CAPS2: variants seen among roughly 807,000 people sequenced by gnomAD.
CAPS2 encodes calcyphosin-2.
A neutral mutation model predicts 86.5 loss-of-function variants in CAPS2; 98 were observed. That is an observed-to-expected ratio of 1.13 (90% CI 0.96 to 1.34). CAPS2 has a LOEUF of 1.34. Among genes scored for constraint, CAPS2 ranks in the 40% most tolerant of loss-of-function variants. The pLI is 0.00. For synonymous variants in CAPS2, 210 were observed against 225.1 expected (o/e 0.93, Z 0.60); for missense variants, 729 against 686.8 (o/e 1.06, Z -0.69).
At chr12:75,278,558 G>A (rs1199079095) in exon 17 of CAPS2, 10 of 1,007,608 alleles carry the variant, frequency 9.9e-6, no homozygotes, top group Non-Finnish European at 1.2e-5. Context: ...GTTTGATGCA[G>A]ATGTAACTTT....
chr12:75,332,330 A>G (rs1593608484), upstream of CAPS2, among the ~76,000 whole-genome samples: 1 of 152,336 alleles, frequency 6.6e-6, no homozygotes, highest in East Asian at 1.9e-4. Flanking sequence ...TTTGAAGCTC[A>G]ACTTTAAATT....
intron 1 of CAPS2, among the ~76,000 whole-genome samples, chr12:75,381,383 A>G (rs2044964839): frequency 1.3e-5 from 2 of 152,190 alleles, no homozygotes; most frequent in Admixed American, 6.5e-5. Context: ...TATCAGCAGC[A>G]TGAAAACAAA....
intron 5 of CAPS2, among the ~76,000 whole-genome samples, chr12:75,319,409 C>T (rs2040090015): frequency 6.6e-6 from 1 of 152,132 alleles, no homozygotes; most frequent in African/African-American, 2.4e-5. Flanking sequence ...TTCGCATGCT[C>T]TCTTGCCTCC....
At chr12:75,369,286 G>A (rs940198699) in intron 1 of CAPS2, among the ~76,000 whole-genome samples, 2 of 151,460 alleles carry the variant, frequency 1.3e-5, no homozygotes, top group African/African-American at 4.8e-5. Context: ...AGCATTCATC[G>A]CTGACATTAT....
At chr12:75,388,505 C>A (rs2045405567) in intron 1 of CAPS2, among the ~76,000 whole-genome samples, 1 of 152,136 alleles carries the variant, frequency 6.6e-6, no homozygotes, top group African/African-American at 2.4e-5. Flanking sequence ...AAGAAATTTA[C>A]ACACATATTA....
intron 1 of CAPS2, among the ~76,000 whole-genome samples, chr12:75,358,712 C>A: frequency 7.0e-6 from 1 of 141,938 alleles, no homozygotes. Flanking sequence ...CTTTTTTAAA[C>A]CATATATATA....
chr12:75,366,394 G>A (rs2043963965), intron 1 of CAPS2, among the ~76,000 whole-genome samples: 2 of 152,124 alleles, frequency 1.3e-5, no homozygotes, highest in Non-Finnish European at 2.9e-5. Context: ...TAGAGAAGTA[G>A]AGAACTTAGG....
intron 1 of CAPS2, among the ~76,000 whole-genome samples, chr12:75,388,369 A>C (rs1416080170): frequency 6.6e-6 from 1 of 152,208 alleles, no homozygotes; most frequent in Non-Finnish European, 1.5e-5. Flanking sequence ...ATAATACACC[A>C]ATACCTAGAA....
chr12:75,346,392 A>AC (rs2042447312), intron 1 of CAPS2, among the ~76,000 whole-genome samples: 1 of 151,438 alleles, frequency 6.6e-6, no homozygotes, highest in Admixed American at 6.6e-5. Flanking sequence ...TGAAAGCAAA[A>AC]CTCTTTTTTT....
At chr12:75,366,798 T>C in intron 1 of CAPS2, 1 of 694,192 alleles carries the variant, frequency 1.4e-6, no homozygotes, top group Non-Finnish European at 2.6e-6. Context: ...TTCAGAGGTC[T>C]ATCACCTCTG....
At chr12:75,381,082 A>G (rs1253784274) in intron 1 of CAPS2, among the ~76,000 whole-genome samples, 3 of 152,182 alleles carry the variant, frequency 2.0e-5, no homozygotes, top group Non-Finnish European at 4.4e-5. Context: ...CTTGAATTGT[A>G]TCTCCCAGAA....
chr12:75,305,883 G>C (rs1276645374), intron 7 of CAPS2: 3 of 794,306 alleles, frequency 3.8e-6, no homozygotes, highest in Non-Finnish European at 6.6e-6. Context: ...GGCTGACCAG[G>C]CTGCACCTGA....
intron 1 of CAPS2, among the ~76,000 whole-genome samples, chr12:75,342,417 T>C (rs930772057): frequency 2.0e-5 from 3 of 152,226 alleles, no homozygotes; most frequent in African/African-American, 7.2e-5. Flanking sequence ...GTATTATTTT[T>C]GTAACTTCTT....
intron 1 of CAPS2, among the ~76,000 whole-genome samples, chr12:75,386,438 G>A (rs1378736247): frequency 6.6e-6 from 1 of 152,182 alleles, no homozygotes; most frequent in Non-Finnish European, 1.5e-5. Flanking sequence ...GGAGTTCACA[G>A]AGGAAGAGAG....
chr12:75,376,692 T>C (rs2044667363), intron 1 of CAPS2, among the ~76,000 whole-genome samples: 1 of 152,186 alleles, frequency 6.6e-6, no homozygotes, highest in South Asian at 2.1e-4. Context: ...CTCCCACACA[T>C]CCCCATTCCA....
chr12:75,355,843 T>C (rs1490183239), intron 1 of CAPS2, among the ~76,000 whole-genome samples: 1 of 152,146 alleles, frequency 6.6e-6, no homozygotes, highest in Non-Finnish European at 1.5e-5. Flanking sequence ...TGGATGGAGC[T>C]AGAAGCTATT....
At chr12:75,343,475 G>A (rs1431083876) in intron 1 of CAPS2, among the ~76,000 whole-genome samples, 3 of 151,862 alleles carry the variant, frequency 2.0e-5, no homozygotes, top group Admixed American at 6.6e-5. Flanking sequence ...GCTAAGTACA[G>A]GTAATATAAC....
At chr12:75,359,666 G>C (rs1490213053) in intron 1 of CAPS2, among the ~76,000 whole-genome samples, 1 of 152,000 alleles carries the variant, frequency 6.6e-6, no homozygotes, top group African/African-American at 2.4e-5. Context: ...ACAGAGATCA[G>C]AAATAGACTC....
intron 9 of CAPS2, 34 bp from the exon 10 acceptor site, chr12:75,299,000 A>G (rs890186871): frequency 5.1e-6 from 7 of 1,367,238 alleles, no homozygotes; most frequent in African/African-American, 4.4e-5. Context: ...ACATCTTCAA[A>G]TAGAATAATT....
Sources: gnomAD v4.1 joint callset for allele counts (sites outside exome capture counted in the v4.1 genomes callset) on GRCh38, gnomAD v4.1.1 for gene constraint, MANE v1.5 for transcripts, NCBI Gene and HGNC (gene_info 2026-07-23, HGNC 2026-07-21) for gene names.